Variants in GRID1 observed in about 807,000 individuals in gnomAD.
GRID1 encodes the protein glutamate ionotropic receptor delta type subunit 1.
Under a neutral mutation model 98.0 loss-of-function variants are expected in GRID1, and 28 were observed. That is an observed-to-expected ratio of 0.29 (90% CI 0.21 to 0.39). GRID1 has a LOEUF of 0.39. Among genes scored for constraint, GRID1 ranks in the 10% least tolerant of loss-of-function variants. The pLI is 1.00. For synonymous variants in GRID1, 553 were observed against 538.5 expected (o/e 1.03, Z -0.37); for missense variants, 1,111 against 1,340.5 (o/e 0.83, Z 2.67).
Position 85,741,539 on chromosome 10 carries a change from A to G in GRID1, c.1234-11925T>C, listed in dbSNP as rs537652866. Among the ~76,000 whole-genome samples the G allele has an allele frequency of 4.6e-5, 7 of 152,196 alleles. No individual in the cohort carries two copies. In the South Asian group the frequency reaches 1.5e-3, roughly 32 times the overall value. On this transcript the variant is annotated intron_variant, in intron 8 of 15. Transcript: ENST00000327946. ...AGGCACAGTAAAGTCGGAGAAGAAC[A>G]GTTTCTATATCAGGGTACCATCATT...
At chr10:86,073,094 A>T (rs1014748941) in intron 4 of GRID1, among the ~76,000 whole-genome samples, 9 of 152,248 alleles carry the variant, frequency 5.9e-5, no homozygotes, top group East Asian at 1.9e-4. Context: ...GTTAGTAATT[A>T]AAAAATCTTT....
At chr10:86,197,384 A>G (rs1408423265) in intron 3 of GRID1, among the ~76,000 whole-genome samples, 1 of 152,088 alleles carries the variant, frequency 6.6e-6, no homozygotes, top group African/African-American at 2.4e-5. Flanking sequence ...GGAGGAGGGG[A>G]GGTCCCATCT....
chr10:85,741,082 C>CAAA (rs1841938763), intron 8 of GRID1, among the ~76,000 whole-genome samples: 1 of 152,148 alleles, frequency 6.6e-6, no homozygotes, highest in Non-Finnish European at 1.5e-5. Context: ...CAGAGACCAT[C>CAAA]TCTTCTTCAT....
chr10:85,823,188 A>G (rs1228347347), intron 8 of GRID1, among the ~76,000 whole-genome samples: 1 of 152,170 alleles, frequency 6.6e-6, no homozygotes, highest in African/African-American at 2.4e-5. Flanking sequence ...AAAGTATAAT[A>G]AAAAAAGAAA....
intron 3 of GRID1, among the ~76,000 whole-genome samples, chr10:86,161,458 AC>A (rs1204817963): frequency 2.0e-5 from 3 of 151,810 alleles, no homozygotes; most frequent in Non-Finnish European, 2.9e-5. Context: ...AATGTGTGCT[AC>A]CCCCACCGAG....
chr10:86,123,270 A>AG (rs1426442786), intron 4 of GRID1, among the ~76,000 whole-genome samples: 1 of 152,224 alleles, frequency 6.6e-6, no homozygotes, highest in Non-Finnish European at 1.5e-5. Flanking sequence ...CAGAGGGCAG[A>AG]GGGCCATAGC....
intron 4 of GRID1, among the ~76,000 whole-genome samples, chr10:85,945,811 T>C (rs1842047260): frequency 6.6e-6 from 1 of 152,218 alleles, no homozygotes. Context: ...AAGGTTTGTT[T>C]TCTAGTAAGC....
At chr10:86,215,783 C>T (rs1272398467) in intron 2 of GRID1, among the ~76,000 whole-genome samples, 3 of 152,290 alleles carry the variant, frequency 2.0e-5, no homozygotes, top group Admixed American at 6.5e-5. Flanking sequence ...CTCCCTGCCT[C>T]CCAGCCCTTC....
intron 5 of GRID1, among the ~76,000 whole-genome samples, chr10:85,905,763 GCT>G (rs1290343077): frequency 6.6e-6 from 1 of 151,886 alleles, no homozygotes; most frequent in African/African-American, 2.4e-5. Context: ...AAGAGTTATA[GCT>G]CATAAGCCAA....
chr10:86,358,419 A>C (rs1406478163), intron 2 of GRID1, among the ~76,000 whole-genome samples: 2 of 152,164 alleles, frequency 1.3e-5, no homozygotes, highest in Non-Finnish European at 2.9e-5. Context: ...GTTAGGCTAC[A>C]TGGCACAGGT....
At chr10:85,641,797 G>A (rs541054112) in intron 13 of GRID1, among the ~76,000 whole-genome samples, 2 of 152,286 alleles carry the variant, frequency 1.3e-5, no homozygotes, top group African/African-American at 2.4e-5. Flanking sequence ...GGGTCTCAGC[G>A]CAGTGAGGGA....
At chr10:85,740,732 C>A (rs1247936829) in intron 8 of GRID1, among the ~76,000 whole-genome samples, 1 of 149,490 alleles carries the variant, frequency 6.7e-6, no homozygotes, top group Non-Finnish European at 1.5e-5. Flanking sequence ...AATTTTACAT[C>A]TATCTGTTCA....
chr10:86,358,989 G>A (rs1005235004), intron 2 of GRID1, among the ~76,000 whole-genome samples: 19 of 152,134 alleles, frequency 1.2e-4, no homozygotes, highest in African/African-American at 4.6e-4. Context: ...TTTGGAAGCT[G>A]GAGAAGGCCA....
At chr10:85,806,108 T>C (rs889407104) in intron 8 of GRID1, among the ~76,000 whole-genome samples, 1 of 149,988 alleles carries the variant, frequency 6.7e-6, no homozygotes, top group Non-Finnish European at 1.5e-5. Context: ...AGAAATTATA[T>C]AACTCAATCA....
At chr10:86,121,512 CATCACT>C (rs1844671216) in intron 4 of GRID1, among the ~76,000 whole-genome samples, 1 of 148,552 alleles carries the variant, frequency 6.7e-6, no homozygotes, top group Non-Finnish European at 1.5e-5. Flanking sequence ...TCACCATCAT[CATCACT>C]ACCATCATCA....
chr10:86,236,387 A>G (rs1846539391), intron 2 of GRID1, among the ~76,000 whole-genome samples: 1 of 152,224 alleles, frequency 6.6e-6, no homozygotes, highest in South Asian at 2.1e-4. Flanking sequence ...ACACTTTACC[A>G]TGTTGTAGTA....
At chr10:86,301,324 C>T (rs2132081934) in intron 2 of GRID1, among the ~76,000 whole-genome samples, 1 of 152,374 alleles carries the variant, frequency 6.6e-6, no homozygotes, top group Non-Finnish European at 1.5e-5. Context: ...TCAATCAGCT[C>T]CATCTATCTA....
chr10:86,034,081 C>G (rs1253343618), intron 4 of GRID1, among the ~76,000 whole-genome samples: 1 of 152,150 alleles, frequency 6.6e-6, no homozygotes, highest in Non-Finnish European at 1.5e-5. Flanking sequence ...TCAGAGTAAT[C>G]AAATGGAAAG....
At chr10:85,926,348 G>C (rs961427280) in intron 4 of GRID1, among the ~76,000 whole-genome samples, 1 of 152,176 alleles carries the variant, frequency 6.6e-6, no homozygotes, top group African/African-American at 2.4e-5. Context: ...AGGGAGTAAG[G>C]AAGAGAGGAT....
Sources: allele counts gnomAD v4.1 joint callset (sites outside exome capture counted in the v4.1 genomes callset), GRCh38; gene constraint gnomAD v4.1.1; transcripts MANE v1.5; gene names NCBI Gene and HGNC (gene_info 2026-07-23, HGNC 2026-07-21).